Variants in CPNE8 observed in about 807,000 individuals in gnomAD.
CPNE8 encodes the protein copine 8.
A neutral mutation model predicts 81.5 loss-of-function variants in CPNE8; 45 were observed. The observed-to-expected ratio is 0.55, with a 90% confidence interval of 0.44 to 0.71. The LOEUF (loss-of-function observed/expected upper bound fraction) is 0.71, where lower values mean the gene tolerates loss of function less well. Among genes scored for constraint, CPNE8 ranks in the 30% least tolerant of loss-of-function variants. CPNE8 has a pLI of 0.00. For missense variants in CPNE8, 594 were observed against 672.1 expected (o/e 0.88, Z 1.28); for synonymous variants, 252 against 226.3 (o/e 1.11, Z -1.02).
intron 1 of CPNE8, among the ~76,000 whole-genome samples, chr12:38,891,786 T>A (rs1023904367): frequency 6.6e-6 from 1 of 152,246 alleles, no homozygotes; most frequent in African/African-American, 2.4e-5. Context: ...ACATATAATG[T>A]ATAAACATAT....
At chr12:38,744,598 T>G (rs1620655) in intron 10 of CPNE8, among the ~76,000 whole-genome samples, 122,623 of 152,090 alleles carry the variant, frequency 0.81, 52,408 homozygotes, top group Middle Eastern at 0.97. Context: ...CTGGCCCTAC[T>G]ACCCAGCTTC....
chr12:38,670,450 A>AT (rs1395440957), intron 19 of CPNE8, among the ~76,000 whole-genome samples: 2 of 152,004 alleles, frequency 1.3e-5, no homozygotes, highest in Non-Finnish European at 2.9e-5. Context: ...TGTAGATGTA[A>AT]TTTTTTAATA....
At chr12:38,727,955 T>C (rs767454267) in intron 11 of CPNE8, among the ~76,000 whole-genome samples, 1 of 152,160 alleles carries the variant, frequency 6.6e-6, no homozygotes, top group African/African-American at 2.4e-5. Flanking sequence ...CCCAAATGTA[T>C]ACAAATCTCT....
chr12:38,790,742 A>C (rs1331028970), intron 6 of CPNE8, among the ~76,000 whole-genome samples: 1 of 151,730 alleles, frequency 6.6e-6, no homozygotes, highest in African/African-American at 2.4e-5. Context: ...GTACCCACAA[A>C]AATTAAAAAG....
At chr12:38,666,093 C>T (rs775551604) in intron 19 of CPNE8, among the ~76,000 whole-genome samples, 14 of 151,984 alleles carry the variant, frequency 9.2e-5, no homozygotes, top group South Asian at 2.1e-4. Flanking sequence ...TTTTAATGCA[C>T]GTAAGAGGAA....
At chr12:38,865,349 GATATT>G (rs1438700843) in intron 3 of CPNE8, among the ~76,000 whole-genome samples, 1 of 152,164 alleles carries the variant, frequency 6.6e-6, no homozygotes, top group Non-Finnish European at 1.5e-5. Context: ...GTTCTAGACA[GATATT>G]AATATTCAGT....
At chr12:38,693,900 TTC>T in intron 14 of CPNE8, 62 bp from the exon 15 acceptor site, 5 of 1,358,010 alleles carry the variant, frequency 3.7e-6, no homozygotes, top group Non-Finnish European at 4.0e-6. Context: ...AACAAAATTT[TTC>T]TTGGTGTCTA....
At chr12:38,697,219 T>G (rs373477886) in intron 14 of CPNE8, among the ~76,000 whole-genome samples, 113 of 152,320 alleles carry the variant, frequency 7.4e-4, no homozygotes, top group African/African-American at 2.5e-3. Flanking sequence ...TCTTTTTGTC[T>G]CCATTGATTT....
In CPNE8 at chr12:38,790,069, T is replaced by C. The variant is rs191644832; in HGVS notation, c.408-13768A>G. On this transcript the variant is annotated intron_variant, in intron 6 of 19. Transcript: ENST00000331366. ...CAAAAAACTAAAGATAGAGCTATCG[T>C]AAGATCCAACAATCCTACTACTAGG... is the stretch of plus-strand genomic sequence containing the variant. Among the ~76,000 whole-genome samples, 9 of 151,870 alleles carry C rather than the reference T, an allele frequency of 5.9e-5. No homozygotes were observed. In the East Asian group the frequency reaches 1.2e-3, roughly 20 times the overall value.
chr12:38,767,213 T>C (rs1302079424), intron 8 of CPNE8, among the ~76,000 whole-genome samples: 1 of 152,036 alleles, frequency 6.6e-6, no homozygotes. Context: ...ATTACTAGAA[T>C]ATAATGAACA....
chr12:38,741,137 C>T (rs989396212), intron 10 of CPNE8, among the ~76,000 whole-genome samples: 5 of 152,126 alleles, frequency 3.3e-5, no homozygotes, highest in East Asian at 1.9e-4. Flanking sequence ...ATGCCATCCC[C>T]ATCAAGCTAC....
rs1236935604 is a variant in CPNE8 at position 38,734,212 on chromosome 12, C to T, written c.723-3854G>A. 2.6e-5 allele frequency among the ~76,000 whole-genome samples: 4 copies of T among 152,082 alleles called. No homozygotes were observed. In the South Asian group the frequency reaches 8.3e-4, roughly 31 times the overall value. ...CGTACCTGCTACACAATGGGCACAG[C>T]TGAATTTTGCAAACACACTTAGGGC... On this transcript the variant is annotated intron_variant, in intron 10 of 19. Transcript: ENST00000331366.
chr12:38,843,198 T>C (rs1943501487), intron 4 of CPNE8, among the ~76,000 whole-genome samples: 1 of 152,214 alleles, frequency 6.6e-6, no homozygotes, highest in African/African-American at 2.4e-5. Context: ...AGTAGCTGAT[T>C]TGGGTGCCCC....
chr12:38,877,953 G>C (rs927601750), intron 1 of CPNE8, among the ~76,000 whole-genome samples: 1 of 152,102 alleles, frequency 6.6e-6, no homozygotes, highest in South Asian at 2.1e-4. Flanking sequence ...TGATAAAACA[G>C]GTTGCAGTAA....
intron 1 of CPNE8, among the ~76,000 whole-genome samples, chr12:38,879,476 CTATTA>C (rs1466947962): frequency 6.6e-6 from 1 of 151,970 alleles, no homozygotes; most frequent in African/African-American, 2.4e-5. Flanking sequence ...AGTATTTTGT[CTATTA>C]TATTTATATG....
chr12:38,718,304 T>C (rs980655357), intron 13 of CPNE8, among the ~76,000 whole-genome samples: 1 of 152,182 alleles, frequency 6.6e-6, no homozygotes, highest in Non-Finnish European at 1.5e-5. Context: ...AAAAAAGGAA[T>C]ATAGCTCCAA....
intron 13 of CPNE8, among the ~76,000 whole-genome samples, chr12:38,707,722 C>T (rs1940146520): frequency 6.6e-6 from 1 of 152,166 alleles, no homozygotes; most frequent in African/African-American, 2.4e-5. Context: ...CAGGAAGAAT[C>T]TCTTGCCTTT....
chr12:38,718,201 G>T (rs1318995454), intron 13 of CPNE8, among the ~76,000 whole-genome samples: 1 of 152,090 alleles, frequency 6.6e-6, no homozygotes, highest in Non-Finnish European at 1.5e-5. Context: ...GGCCAGATGG[G>T]CTAACTTAAG....
chr12:38,789,445 A>C (rs1368514049), intron 6 of CPNE8, among the ~76,000 whole-genome samples: 1 of 151,944 alleles, frequency 6.6e-6, no homozygotes, highest in Non-Finnish European at 1.5e-5. Context: ...ATATACAAAA[A>C]TCAAATCAAA....
Sources: gnomAD v4.1 joint callset for allele counts (sites outside exome capture counted in the v4.1 genomes callset) on GRCh38, gnomAD v4.1.1 for gene constraint, MANE v1.5 for transcripts, NCBI Gene and HGNC (gene_info 2026-07-23, HGNC 2026-07-21) for gene names.